Variants in KAT6B observed in about 807,000 individuals in gnomAD.
KAT6B encodes histone acetyltransferase KAT6B.
KAT6B carries 10 observed loss-of-function variants against 187.5 expected under a neutral mutation model. The observed-to-expected ratio is 0.05, with a 90% CI of 0.03 to 0.09. The LOEUF (loss-of-function observed/expected upper bound fraction) is 0.09, where lower values mean the gene tolerates loss of function less well. Ranked by LOEUF, KAT6B falls within the 10% of genes least tolerant of loss-of-function variation. The probability of loss-of-function intolerance (pLI) is 1.00; values close to 1 mark genes in which losing one functional copy is unlikely to be tolerated. For missense variants in KAT6B, 1,952 were observed against 2,558.9 expected, an observed-to-expected ratio of 0.76 and a Z score of 5.12; for synonymous variants, 861 against 926.8, an observed-to-expected ratio of 0.93 and a Z score of 1.29.
intron 3 of KAT6B, among the ~76,000 whole-genome samples, chr10:74,896,897 C>T (rs1846028920): frequency 1.3e-5 from 2 of 152,132 alleles, no homozygotes; most frequent in African/African-American, 4.8e-5. Context: ...AATTATCTCA[C>T]CCTAGATCAG....
At chr10:74,970,166 T>A (rs1841752965) in intron 6 of KAT6B, 65 bp downstream of exon 6, 3 of 1,240,072 alleles carry the variant, frequency 2.4e-6, no homozygotes, top group Middle Eastern at 1.9e-4. Flanking sequence ...TCCTGAGGTC[T>A]GACAGCTCAG....
rs59493277 is a variant in KAT6B at position 74,971,165 on chromosome 10, A to G, written c.928+1064A>G. ...TTTGATTTTCCAACCCTCTATATAA[A>G]TGAACTCTAATTTATTTAACCAGTC... On this transcript the variant is annotated intron_variant, in intron 6 of 17. Transcript: ENST00000287239. Among the ~76,000 whole-genome samples the G allele has an allele frequency of 4.0e-3, 605 of 152,310 alleles. 5 individuals carry two copies. Among genetic ancestry groups the G allele is most frequent in the African/African-American group, 0.014 (579 of 41,568 alleles).
chr10:74,996,612 T>C (rs1296022398), intron 13 of KAT6B, among the ~76,000 whole-genome samples: 1 of 151,856 alleles, frequency 6.6e-6, no homozygotes, highest in Admixed American at 6.6e-5. Context: ...CTACTAAAAA[T>C]GCAAAAATTA....
chr10:74,894,270 C>T (rs1845838914), intron 3 of KAT6B, among the ~76,000 whole-genome samples: 2 of 152,000 alleles, frequency 1.3e-5, no homozygotes, highest in South Asian at 2.1e-4. Flanking sequence ...TTAGTAGAGA[C>T]GGGGTTTCAC....
intron 3 of KAT6B, among the ~76,000 whole-genome samples, chr10:74,901,363 T>G (rs758242523): frequency 1.3e-5 from 2 of 152,232 alleles, no homozygotes; most frequent in Non-Finnish European, 2.9e-5. Flanking sequence ...TGACCTCACT[T>G]CTGGCTGTGT....
intron 3 of KAT6B, among the ~76,000 whole-genome samples, chr10:74,892,755 A>T (rs1845724085): frequency 6.6e-6 from 1 of 152,130 alleles, no homozygotes; most frequent in Non-Finnish European, 1.5e-5. Flanking sequence ...AGCTGCACAG[A>T]GGTACCAGCC....
intron 3 of KAT6B, among the ~76,000 whole-genome samples, chr10:74,942,597 C>T (rs1396177716): frequency 2.0e-5 from 3 of 151,784 alleles, no homozygotes; most frequent in Non-Finnish European, 4.4e-5. Flanking sequence ...GAAACCCTAT[C>T]GCTACTAAAA....
Position 74,842,782 on chromosome 10 carries a change from C to G in KAT6B, c.-76C>G. On this transcript the variant is annotated 5_prime_UTR_variant, in exon 3 of 18. Coordinates refer to ENST00000287239, the MANE Select transcript of KAT6B (RefSeq NM_012330.4). ...CATTTGTTGAATTGTAAATGACTTT[C>G]AAATGTGCAAGTTCTGTTAAATACA... 2 of 1,515,822 alleles carry G rather than the reference C, an allele frequency of 1.3e-6. No homozygotes were observed. The highest frequency in any genetic ancestry group is 1.8e-6 in the Non-Finnish European group (2 of 1,096,774). The allele number at this position is 1,515,822 out of a possible 1,614,324, so 93.9% of individuals were successfully genotyped here.
intron 1 of KAT6B, among the ~76,000 whole-genome samples, chr10:74,836,352 C>T (rs1841307168): frequency 6.6e-6 from 1 of 152,118 alleles, no homozygotes; most frequent in Non-Finnish European, 1.5e-5. Flanking sequence ...ATTACAGAAC[C>T]ATATGGTAAT....
chr10:74,919,321 G>C (rs1847942542), intron 3 of KAT6B, among the ~76,000 whole-genome samples: 1 of 152,024 alleles, frequency 6.6e-6, no homozygotes, highest in South Asian at 2.1e-4. Context: ...TATTCTGCTA[G>C]GTATCTGAGG....
In KAT6B at chr10:75,031,828, A is replaced by C. The variant is rs2134262935; in HGVS notation, c.*782A>C. ...TTGAATGAAGCATATCTCAGTGTTT[A>C]TCTGTCAGGTTTTGAAACATTTCAT... On this transcript the variant is annotated 3_prime_UTR_variant, in exon 18 of 18. Transcript: ENST00000287239. 1 of 202,836 alleles carries C rather than the reference A, an allele frequency of 4.9e-6. No homozygotes were observed. The allele number at this position is 202,836 out of a possible 1,614,324, so 12.6% of individuals were successfully genotyped here. A position where few individuals can be genotyped will look rare whatever the true frequency, so the allele number is the denominator to read the frequency against.
intron 7 of KAT6B, among the ~76,000 whole-genome samples, chr10:74,974,601 C>G (rs1246664959): frequency 6.6e-6 from 1 of 152,182 alleles, no homozygotes; most frequent in East Asian, 1.9e-4. Context: ...GTTTCTAGAA[C>G]TACTCAACAG....
chr10:74,945,603 C>G (rs1379578256), intron 3 of KAT6B, among the ~76,000 whole-genome samples: 2 of 152,124 alleles, frequency 1.3e-5, no homozygotes, highest in African/African-American at 4.8e-5. Context: ...ATTACAGCCA[C>G]CACACCCAGC....
At chr10:74,864,300 C>T (rs957775902) in intron 3 of KAT6B, among the ~76,000 whole-genome samples, 10 of 152,054 alleles carry the variant, frequency 6.6e-5, no homozygotes, top group Admixed American at 4.6e-4. Context: ...AGTGCAGTGG[C>T]GCGATCTCGG....
intron 3 of KAT6B, among the ~76,000 whole-genome samples, chr10:74,911,131 G>A (rs1847172481): frequency 6.6e-6 from 1 of 152,088 alleles, no homozygotes; most frequent in Non-Finnish European, 1.5e-5. Flanking sequence ...AACACTGCTT[G>A]CATTCCTCTG....
upstream of KAT6B, among the ~76,000 whole-genome samples, chr10:74,824,991 G>A (rs1030754941): frequency 5.3e-5 from 8 of 152,264 alleles, no homozygotes; most frequent in Admixed American, 4.6e-4. Context: ...ATCCTGGGGG[G>A]CAGCTTCCCC....
intron 3 of KAT6B, among the ~76,000 whole-genome samples, chr10:74,940,551 G>T (rs1289347985): frequency 6.6e-6 from 1 of 150,972 alleles, no homozygotes; most frequent in Non-Finnish European, 1.5e-5. Context: ...TGGGATTACA[G>T]GCGTGAGTCA....
At chr10:74,994,031 A>G (rs1047152152) in intron 13 of KAT6B, among the ~76,000 whole-genome samples, 1 of 152,164 alleles carries the variant, frequency 6.6e-6, no homozygotes, top group Non-Finnish European at 1.5e-5. Flanking sequence ...ATAAATATCA[A>G]TTCTCATCCA....
chr10:74,922,078 A>G (rs1282280665), intron 3 of KAT6B, among the ~76,000 whole-genome samples: 1 of 152,248 alleles, frequency 6.6e-6, no homozygotes, highest in Non-Finnish European at 1.5e-5. Context: ...CATTGGAAGA[A>G]CAGCACGTTA....
Sources: allele counts gnomAD v4.1 joint callset (sites outside exome capture counted in the v4.1 genomes callset), GRCh38; gene constraint gnomAD v4.1.1; transcripts MANE v1.5; gene names NCBI Gene and HGNC (gene_info 2026-07-23, HGNC 2026-07-21).